Variants in GPC5 observed in about 807,000 individuals in gnomAD.
GPC5 encodes the protein glypican-5.
Under a neutral mutation model 53.9 loss-of-function variants are expected in GPC5, and 47 were observed. The observed-to-expected ratio is 0.87, with a 90% CI of 0.69 to 1.11. The LOEUF (loss-of-function observed/expected upper bound fraction) is 1.11, where lower values mean the gene tolerates loss of function less well. Among genes scored for constraint, GPC5 ranks in the 50% most tolerant of loss-of-function variants. The pLI is 0.00. For missense variants in GPC5, 748 were observed against 713.1 expected (o/e 1.05, Z -0.56); for synonymous variants, 286 against 263.3 (o/e 1.09, Z -0.84).
intron 7 of GPC5, among the ~76,000 whole-genome samples, chr13:92,397,606 C>T (rs1417784044): frequency 6.6e-6 from 1 of 152,150 alleles, no homozygotes; most frequent in African/African-American, 2.4e-5. Context: ...CGTGAATCTG[C>T]CTCTCTGTCT....
intron 7 of GPC5, among the ~76,000 whole-genome samples, chr13:92,444,485 T>C (rs984715978): frequency 6.6e-6 from 1 of 152,078 alleles, no homozygotes; most frequent in Non-Finnish European, 1.5e-5. Context: ...AGCCTTGAAA[T>C]CACTGTGGTT....
chr13:92,245,492 T>C (rs888735493), intron 7 of GPC5, among the ~76,000 whole-genome samples: 6 of 152,192 alleles, frequency 3.9e-5, no homozygotes, highest in Non-Finnish European at 8.8e-5. Flanking sequence ...GTGTGGTACC[T>C]ACTCTATGGC....
chr13:91,669,926 T>C (rs1250938094), intron 2 of GPC5, among the ~76,000 whole-genome samples: 2 of 152,172 alleles, frequency 1.3e-5, no homozygotes, highest in Non-Finnish European at 2.9e-5. Context: ...TAAATTATGA[T>C]TTTTGTCACT....
chr13:92,424,064 G>T (rs1056590009), intron 7 of GPC5, among the ~76,000 whole-genome samples: 1 of 152,086 alleles, frequency 6.6e-6, no homozygotes, highest in Admixed American at 6.6e-5. Context: ...AAATTAAAAT[G>T]TACCAAATGC....
At chr13:92,021,328 C>G (rs2040756468) in intron 6 of GPC5, among the ~76,000 whole-genome samples, 1 of 152,132 alleles carries the variant, frequency 6.6e-6, no homozygotes, top group Admixed American at 6.5e-5. Flanking sequence ...TACGTGACAG[C>G]ATGGATGAGC....
chr13:91,728,578 C>A lies in GPC5; in HGVS notation c.1067C>A (p.Pro356His), dbSNP rs771920575. The change falls in exon 4 of 8, where the codon CCC (proline) becomes CAC (histidine). Residue 356 changes from proline (P) to histidine (H), a missense_variant. Coordinates refer to ENST00000377067, the MANE Select transcript of GPC5 (RefSeq NM_004466.6). Reference sequence around the variant, plus strand: ...CCTGTAAGAACACCCACACAAAGCCCCCGTTGTTCTTTTGATCAGAGCAAA... The same window carrying A: ...CCTGTAAGAACACCCACACAAAGCCACCGTTGTTCTTTTGATCAGAGCAAA... The part of the protein sequence containing the change: ...GRPVRTPTQS[P>H]RCSFDQSKEK... 12 of 1,612,336 alleles carry A rather than the reference C, an allele frequency of 7.4e-6. No homozygotes were observed. In the African/African-American group the frequency reaches 1.1e-4, roughly 14 times the overall value.
chr13:92,681,445 T>C (rs1255133051), intron 7 of GPC5, among the ~76,000 whole-genome samples: 1 of 151,768 alleles, frequency 6.6e-6, no homozygotes, highest in Non-Finnish European at 1.5e-5. Context: ...CTCACATTCC[T>C]TACATTCCTT....
At chr13:92,541,439 T>C (rs1881927505) in intron 7 of GPC5, among the ~76,000 whole-genome samples, 1 of 151,932 alleles carries the variant, frequency 6.6e-6, no homozygotes, top group African/African-American at 2.4e-5. Context: ...GAAAAGTTAA[T>C]ACATTGATAA....
intron 7 of GPC5, among the ~76,000 whole-genome samples, chr13:92,360,493 C>A (rs1038239448): frequency 6.6e-6 from 1 of 151,490 alleles, no homozygotes; most frequent in Non-Finnish European, 1.5e-5. Context: ...TAATAAGGGC[C>A]TTATATGACA....
At chr13:91,458,333 A>G (rs1419280415) in intron 2 of GPC5, among the ~76,000 whole-genome samples, 1 of 152,072 alleles carries the variant, frequency 6.6e-6, no homozygotes, top group Admixed American at 6.6e-5. Context: ...AGTTTTTATG[A>G]TAGGTGTGAT....
At chr13:92,101,026 T>G (rs181833033) in intron 6 of GPC5, among the ~76,000 whole-genome samples, 8 of 152,340 alleles carry the variant, frequency 5.3e-5, no homozygotes, top group East Asian at 1.9e-4. Context: ...AATGGGTGGT[T>G]GTTTGGCAAC....
intron 7 of GPC5, among the ~76,000 whole-genome samples, chr13:92,859,523 T>C (rs189827936): frequency 2.5e-4 from 38 of 152,184 alleles, no homozygotes; most frequent in Non-Finnish European, 4.7e-4. Context: ...TCTAATTTCA[T>C]TAACTCATAG....
chr13:92,578,912 A>C (rs1166877207), intron 7 of GPC5, among the ~76,000 whole-genome samples: 1 of 152,164 alleles, frequency 6.6e-6, no homozygotes, highest in Non-Finnish European at 1.5e-5. Flanking sequence ...TTATCCAGTC[A>C]TCTTAAAAAT....
chr13:92,829,234 C>T (rs1214439569), intron 7 of GPC5, among the ~76,000 whole-genome samples: 1 of 152,060 alleles, frequency 6.6e-6, no homozygotes, highest in Non-Finnish European at 1.5e-5. Flanking sequence ...TTTTCTGAAG[C>T]AGAAATCATT....
At chr13:91,778,542 G>A (rs185366630) in intron 5 of GPC5, among the ~76,000 whole-genome samples, 10 of 152,076 alleles carry the variant, frequency 6.6e-5, no homozygotes, top group African/African-American at 2.2e-4. Flanking sequence ...TTATACAGTC[G>A]TTGTTCACAA....
Position 92,815,537 on chromosome 13 carries a change from A to AT in GPC5, c.1562-50736dup, listed in dbSNP as rs151296072. Among the ~76,000 whole-genome samples, 4,347 of 151,572 alleles carry AT rather than the reference A, an allele frequency of 0.029. 517 individuals carry two copies. In the East Asian group the frequency reaches 0.39, roughly 14 times the overall value. ...TTACACAGGCTTTGCTGACTCTGTGATTTTTTTTTCTATATATGATCTGAC... is the reference window on the plus strand; with the variant it reads ...TTACACAGGCTTTGCTGACTCTGTGATTTTTTTTTTCTATATATGATCTGAC... On this transcript the variant is annotated intron_variant, in intron 7 of 7. Coordinates refer to ENST00000377067, the MANE Select transcript of GPC5 (RefSeq NM_004466.6).
At chr13:92,190,136 TCTC>T (rs2042213225) in intron 7 of GPC5, among the ~76,000 whole-genome samples, 1 of 152,084 alleles carries the variant, frequency 6.6e-6, no homozygotes, top group East Asian at 1.9e-4. Context: ...ACATCTGACT[TCTC>T]CTCAGAAACC....
chr13:92,728,432 C>T (rs1437292197), intron 7 of GPC5, among the ~76,000 whole-genome samples: 1 of 151,226 alleles, frequency 6.6e-6, no homozygotes, highest in Non-Finnish European at 1.5e-5. Flanking sequence ...ATGATTCAGC[C>T]AATACATTAT....
rs149334355 is a variant in GPC5 at position 92,552,607 on chromosome 13, A to G, written c.1562-313675A>G. Among the ~76,000 whole-genome samples, 734 of 152,002 alleles carry G rather than the reference A, an allele frequency of 4.8e-3. 8 individuals are homozygous for G. Among genetic ancestry groups the G allele is most frequent in the African/African-American group, 0.016 (673 of 41,536 alleles). ...TAAAAGAATTTTGGGTTAGTTCAAC[A>G]CTTTGAATTAATTTTCTTTCATTTC... On this transcript the variant is annotated intron_variant, in intron 7 of 7. Transcript: ENST00000377067.
Sources: gnomAD v4.1 joint callset for allele counts (sites outside exome capture counted in the v4.1 genomes callset) on GRCh38, gnomAD v4.1.1 for gene constraint, MANE v1.5 for transcripts, NCBI Gene and HGNC (gene_info 2026-07-23, HGNC 2026-07-21) for gene names.